TNRC6C: variants seen among roughly 807,000 people sequenced by gnomAD.
TNRC6C encodes trinucleotide repeat-containing gene 6C protein.
TNRC6C carries 20 observed loss-of-function variants against 153.7 expected under a neutral mutation model. The observed-to-expected ratio is 0.13, with a 90% CI of 0.09 to 0.19. TNRC6C has a LOEUF of 0.19. TNRC6C is among the 10% of genes least tolerant of loss of function. TNRC6C has a pLI of 1.00. For synonymous variants in TNRC6C, 811 were observed against 841.4 expected (o/e 0.96, Z 0.63); for missense variants, 1,987 against 2,172.0 (o/e 0.91, Z 1.69).
chr17:77,979,853 G>A (rs566395811), intron 1 of TNRC6C, among the ~76,000 whole-genome samples: 2 of 152,222 alleles, frequency 1.3e-5, no homozygotes, highest in East Asian at 1.9e-4. Context: ...TCAAAGGAGC[G>A]GCAGTAAAGA....
intron 1 of TNRC6C, among the ~76,000 whole-genome samples, chr17:78,007,102 G>C (rs1372206431): frequency 6.6e-6 from 1 of 151,918 alleles, no homozygotes; most frequent in East Asian, 1.9e-4. Context: ...ACCTCGGCCT[G>C]CCAAAGTGCT....
upstream of TNRC6C, among the ~76,000 whole-genome samples, chr17:78,002,410 C>T (rs755025976): frequency 2.0e-5 from 3 of 152,198 alleles, no homozygotes; most frequent in Non-Finnish European, 4.4e-5. Flanking sequence ...CCGACTGTAA[C>T]AGAAAAATAG....
chr17:77,973,045 A>G (rs143759080), intron 1 of TNRC6C, among the ~76,000 whole-genome samples: 1,685 of 152,288 alleles, frequency 0.011, 36 homozygotes, highest in African/African-American at 0.038. Flanking sequence ...AGCTGGGATT[A>G]CAGGCGCCTG....
chr17:78,001,365 C>G (rs2071409411), upstream of TNRC6C, among the ~76,000 whole-genome samples: 1 of 152,168 alleles, frequency 6.6e-6, no homozygotes, highest in Admixed American at 6.5e-5. Flanking sequence ...GCCGTTGCTA[C>G]TGAAACATAA....
intron 1 of TNRC6C, among the ~76,000 whole-genome samples, chr17:78,018,361 C>T (rs948452116): frequency 2.2e-4 from 33 of 152,302 alleles, no homozygotes; most frequent in African/African-American, 7.5e-4. Context: ...AACTCCTGAC[C>T]TCGTGATCCG....
At chr17:78,031,191 C>G (rs781642363) in intron 1 of TNRC6C, among the ~76,000 whole-genome samples, 1 of 152,048 alleles carries the variant, frequency 6.6e-6, no homozygotes, top group Non-Finnish European at 1.5e-5. Context: ...AGGTTGGCAC[C>G]AGGTGTCTGG....
chr17:77,959,339 C>A (rs1030169523), intron 1 of TNRC6C, 71 bp downstream of exon 1: 1 of 151,846 alleles, frequency 6.6e-6, no homozygotes, highest in Non-Finnish European at 1.5e-5. Context: ...GCCCTTTGTT[C>A]GGCCGAGCCG....
At chr17:78,062,345 T>G (rs918943246) in intron 3 of TNRC6C, among the ~76,000 whole-genome samples, 82 of 2,414 alleles carry the variant, frequency 0.034, no homozygotes, top group African/African-American at 0.041. Context: ...CTGCATTTTC[T>G]TAGAATAAGA....
rs115200549 is a variant in TNRC6C, at chr17:77,998,965, G to T, written c.-37-5205G>T. Among the ~76,000 whole-genome samples, 1,367 of 152,350 alleles carry T rather than the reference G, an allele frequency of 9.0e-3. 21 individuals carry two copies. Among genetic ancestry groups the T allele is most frequent in the African/African-American group, 0.031 (1,274 of 41,564 alleles). On this transcript the variant is annotated intron_variant, in intron 1 of 22. Transcript: ENST00000636222. ...AGCCTGGGTAGGTTCAAGGCTTCCA[G>T]TGTCAGCTCAGTACTAGGCTCTCAC...
At chr17:77,966,520 T>C (rs2070897929) in intron 1 of TNRC6C, among the ~76,000 whole-genome samples, 1 of 152,242 alleles carries the variant, frequency 6.6e-6, no homozygotes, top group Admixed American at 6.5e-5. Context: ...CTTACTGCTC[T>C]TCCTAGAATC....
At chr17:78,082,626 C>A (rs1053506760) in intron 10 of TNRC6C, among the ~76,000 whole-genome samples, 1 of 152,186 alleles carries the variant, frequency 6.6e-6, no homozygotes, top group South Asian at 2.1e-4. Flanking sequence ...AAGATAAGGG[C>A]GTTTGTAACC....
upstream of TNRC6C, chr17:78,004,272 T>C (rs1163431374): frequency 8.1e-7 from 1 of 1,231,624 alleles, no homozygotes; most frequent in East Asian, 3.2e-5. Flanking sequence ...AGAAAAAGGT[T>C]TGGCTGAAGT....
At chr17:78,008,629 C>T (rs188516536) in intron 1 of TNRC6C, 31 of 152,302 alleles carry the variant, frequency 2.0e-4, no homozygotes, top group African/African-American at 6.0e-4. Flanking sequence ...TCCTGCACTC[C>T]TAAGGAGTCT....
chr17:78,094,735 TG>T (rs2073453649), intron 16 of TNRC6C, among the ~76,000 whole-genome samples: 2 of 152,240 alleles, frequency 1.3e-5, no homozygotes, highest in African/African-American at 4.8e-5. Flanking sequence ...CCAGTGTGCC[TG>T]GCTGCTTCTG....
intron 2 of TNRC6C, among the ~76,000 whole-genome samples, chr17:78,038,974 T>A (rs2072236991): frequency 1.3e-5 from 2 of 152,028 alleles, no homozygotes; most frequent in African/African-American, 4.8e-5. Flanking sequence ...AGGAGGCATG[T>A]GGCAGGATTT....
At chr17:78,089,112 C>T (rs2073351136) in intron 13 of TNRC6C, among the ~76,000 whole-genome samples, 1 of 151,916 alleles carries the variant, frequency 6.6e-6, no homozygotes, top group African/African-American at 2.4e-5. Flanking sequence ...GGATTACAGG[C>T]ATGCATCACC....
intron 1 of TNRC6C, among the ~76,000 whole-genome samples, chr17:77,986,426 A>AAG (rs1555626609): frequency 0.041 from 5,751 of 140,836 alleles, 373 homozygotes; most frequent in African/African-American, 0.14. Context: ...AAAAAAAAAA[A>AAG]AAGAAGAAGA....
intron 11 of TNRC6C, among the ~76,000 whole-genome samples, chr17:78,084,861 A>C (rs1040409153): frequency 6.6e-6 from 1 of 151,672 alleles, no homozygotes; most frequent in Non-Finnish European, 1.5e-5. Flanking sequence ...CCAACTCCTT[A>C]CCTCAGGTGA....
chr17:78,086,828 A>C, intron 12 of TNRC6C, 25 bp from the exon 15 acceptor site: 2 of 1,607,846 alleles, frequency 1.2e-6, no homozygotes, highest in Non-Finnish European at 8.5e-7. Flanking sequence ...CACCTAGTTA[A>C]CGCACCTATG....
Sources: gnomAD v4.1 joint callset for allele counts (sites outside exome capture counted in the v4.1 genomes callset) on GRCh38, gnomAD v4.1.1 for gene constraint, MANE v1.5 for transcripts, NCBI Gene and HGNC (gene_info 2026-07-23, HGNC 2026-07-21) for gene names.